ABCC4: variants seen among roughly 807,000 people sequenced by gnomAD.
The protein encoded by ABCC4 is ATP-binding cassette sub-family C member 4.
ABCC4 carries 102 observed loss-of-function variants against 168.5 expected under a neutral mutation model. The observed-to-expected ratio is 0.61, with a 90% CI of 0.52 to 0.71. ABCC4 has a LOEUF of 0.71. Ranked by LOEUF, ABCC4 falls within the 30% of genes least tolerant of loss-of-function variation. The pLI, the probability that ABCC4 is intolerant of heterozygous loss-of-function variation, is 0.00. For synonymous variants in ABCC4, 617 were observed against 590.7 expected (o/e 1.04, Z -0.65); for missense variants, 1,402 against 1,605.8 (o/e 0.87, Z 2.17).
chr13:95,199,801 T>C (rs780036094), intron 8 of ABCC4, among the ~76,000 whole-genome samples: 9 of 152,166 alleles, frequency 5.9e-5, no homozygotes, highest in Non-Finnish European at 8.8e-5. Context: ...GTGGATTTTC[T>C]TGAACATTAA....
chr13:95,104,465 T>C (rs759640143), intron 20 of ABCC4, among the ~76,000 whole-genome samples: 7 of 152,180 alleles, frequency 4.6e-5, no homozygotes, highest in Non-Finnish European at 7.3e-5. Context: ...ACACACATAA[T>C]ACATCATCTA....
rs377001203 is a variant in ABCC4, at chr13:95,234,585, A to C, written c.531+25T>G. 2.6e-5 allele frequency: 41 copies of C among 1,584,192 alleles called. No homozygotes were observed. The African/African-American group carries it at 4.7e-4, about 18-fold the overall frequency. ...GCTTCTGATGCTTCAGGTGAGGTAC[A>C]TGTTTAATGCTGAATGTCACTTACC... On this transcript the variant is annotated intron_variant, in intron 4 of 30. Transcript: ENST00000645237.
At chr13:95,262,466 T>C (rs1566579708) in intron 1 of ABCC4, among the ~76,000 whole-genome samples, 1 of 152,232 alleles carries the variant, frequency 6.6e-6, no homozygotes, top group Non-Finnish European at 1.5e-5. Flanking sequence ...TCCTCTTTAG[T>C]GACAAATCCT....
chr13:95,141,135 T>A (rs1181303345), intron 19 of ABCC4, among the ~76,000 whole-genome samples: 1 of 152,146 alleles, frequency 6.6e-6, no homozygotes, highest in Non-Finnish European at 1.5e-5. Context: ...GCTGAACAGA[T>A]CTACTAGTTA....
At chr13:95,171,288 T>C (rs1486644805) in intron 13 of ABCC4, among the ~76,000 whole-genome samples, 1 of 152,014 alleles carries the variant, frequency 6.6e-6, no homozygotes, top group African/African-American at 2.4e-5. Context: ...GGCTCAAAGA[T>C]AAGACCCACC....
chr13:95,238,141 C>T (rs2039826366), intron 3 of ABCC4, among the ~76,000 whole-genome samples: 1 of 142,390 alleles, frequency 7.0e-6, no homozygotes, highest in South Asian at 2.3e-4. Context: ...CTGCAGTGAG[C>T]CAAGATCGCG....
intron 30 of ABCC4, among the ~76,000 whole-genome samples, chr13:95,021,893 T>C (rs2031106529): frequency 6.6e-6 from 1 of 152,204 alleles, no homozygotes; most frequent in Admixed American, 6.5e-5. Flanking sequence ...AAACAACCTG[T>C]AGATCCATTT....
intron 21 of ABCC4, among the ~76,000 whole-genome samples, chr13:95,076,560 G>A (rs2033915171): frequency 2.0e-5 from 3 of 147,634 alleles, no homozygotes; most frequent in South Asian, 2.2e-4. Context: ...ACCTGCCCCC[G>A]TTCAAGCGAT....
At chr13:95,196,970 C>A (rs1291032100) in intron 8 of ABCC4, among the ~76,000 whole-genome samples, 2 of 152,178 alleles carry the variant, frequency 1.3e-5, no homozygotes, top group African/African-American at 4.8e-5. Flanking sequence ...GACAGTCACA[C>A]TCCCAAAGTA....
chr13:95,095,427 A>C (rs2034562088), intron 20 of ABCC4, among the ~76,000 whole-genome samples: 1 of 152,300 alleles, frequency 6.6e-6, no homozygotes, highest in South Asian at 2.1e-4. Context: ...TTCTGAGTGA[A>C]GTAACTCAGG....
chr13:95,299,099 AT>A (rs60744820), intron 1 of ABCC4, among the ~76,000 whole-genome samples: 2,501 of 151,210 alleles, frequency 0.017, 65 homozygotes, highest in African/African-American at 0.057. Flanking sequence ...TACAAAAAAA[AT>A]TTTTTTTTAT....
At chr13:95,202,849 G>A (rs1344521241) in intron 8 of ABCC4, among the ~76,000 whole-genome samples, 4 of 151,656 alleles carry the variant, frequency 2.6e-5, no homozygotes, top group African/African-American at 9.7e-5. Context: ...TTGCAGAGGC[G>A]GGGTTTCACC....
intron 4 of ABCC4, among the ~76,000 whole-genome samples, chr13:95,218,880 G>A (rs2039201651): frequency 8.1e-6 from 1 of 122,766 alleles, no homozygotes. Context: ...GAAAAGAAAA[G>A]AGACAGACAG....
At chr13:95,194,975 C>T (rs913581014) in intron 8 of ABCC4, 38 bp from the exon 9 acceptor site, 1 of 1,561,764 alleles carries the variant, frequency 6.4e-7, no homozygotes, top group Non-Finnish European at 8.8e-7. Context: ...GTTTAAATTA[C>T]AGAAACAAAA....
intron 25 of ABCC4, among the ~76,000 whole-genome samples, chr13:95,065,920 G>A (rs1481245573): frequency 1.3e-5 from 2 of 152,200 alleles, no homozygotes; most frequent in Non-Finnish European, 2.9e-5. Flanking sequence ...CAGGCCTTCA[G>A]CGTCTTCCCC....
intron 20 of ABCC4, among the ~76,000 whole-genome samples, chr13:95,103,750 C>T (rs946367040): frequency 6.6e-6 from 1 of 152,126 alleles, no homozygotes; most frequent in Admixed American, 6.6e-5. Flanking sequence ...CATTCCTCTC[C>T]ATATCCTTCC....
At chr13:95,192,491 G>A (rs920038348) in intron 9 of ABCC4, among the ~76,000 whole-genome samples, 1 of 151,890 alleles carries the variant, frequency 6.6e-6, no homozygotes, top group Non-Finnish European at 1.5e-5. Flanking sequence ...CGCAGGGTTT[G>A]GTACAAAAGA....
Position 95,180,152 on chromosome 13 carries a change from T to C in ABCC4, c.1546-2061A>G, listed in dbSNP as rs541366113. Among the ~76,000 whole-genome samples, 22 of 152,358 alleles carry C rather than the reference T, an allele frequency of 1.4e-4. No individual in the cohort carries two copies. The South Asian group carries it at 4.1e-3, about 29-fold the overall frequency. ...CCCTAATACTCCAATCTGAACCAGA[T>C]GGCATCAAATGAAAGGTAGCAAGTG... On this transcript the variant is annotated intron_variant, in intron 11 of 30. Transcript: ENST00000645237.
At chr13:95,248,427 T>C (rs2040167472) in intron 1 of ABCC4, among the ~76,000 whole-genome samples, 1 of 152,132 alleles carries the variant, frequency 6.6e-6, no homozygotes, top group Non-Finnish European at 1.5e-5. Flanking sequence ...ACAAATTATT[T>C]ATTAGTTACG....
Sources: allele counts gnomAD v4.1 joint callset (sites outside exome capture counted in the v4.1 genomes callset), GRCh38; gene constraint gnomAD v4.1.1; transcripts MANE v1.5; gene names NCBI Gene and HGNC (gene_info 2026-07-23, HGNC 2026-07-21).